Variants in CTNNA3 observed in about 807,000 individuals in gnomAD.
CTNNA3 encodes catenin alpha 3.
A neutral mutation model predicts 95.7 loss-of-function variants in CTNNA3; 76 were observed. That is an observed-to-expected ratio of 0.79 (90% CI 0.66 to 0.96). The LOEUF is 0.96. CTNNA3 is among the 40% of genes least tolerant of loss of function. The pLI is 0.00. For synonymous variants in CTNNA3, 431 were observed against 374.4 expected, an observed-to-expected ratio of 1.15 and a Z score of -1.74; for missense variants, 1,191 against 1,089.8, an observed-to-expected ratio of 1.09 and a Z score of -1.31.
At chr10:67,354,979 C>A (rs943436740) in intron 5 of CTNNA3, among the ~76,000 whole-genome samples, 3 of 151,884 alleles carry the variant, frequency 2.0e-5, no homozygotes, top group African/African-American at 7.2e-5. Context: ...ATTCTAGACC[C>A]ATAAACCTAC....
intron 7 of CTNNA3, chr10:66,926,700 G>C (rs571682145): frequency 8.6e-6 from 11 of 1,271,854 alleles, no homozygotes; most frequent in Admixed American, 2.1e-5. Context: ...TCTGCTCTAA[G>C]ACTATGAATT....
chr10:67,286,021 G>T (rs1839590270), intron 5 of CTNNA3, among the ~76,000 whole-genome samples: 1 of 152,108 alleles, frequency 6.6e-6, no homozygotes, highest in African/African-American at 2.4e-5. Flanking sequence ...TGGGCTCTAG[G>T]CATTTTAAAA....
chr10:67,486,933 T>C (rs1040342237), intron 5 of CTNNA3, among the ~76,000 whole-genome samples: 1 of 152,208 alleles, frequency 6.6e-6, no homozygotes, highest in Admixed American at 6.5e-5. Flanking sequence ...TCCAATCTTA[T>C]TTTAGTTGTA....
chr10:66,261,277 A>C (rs552158373), intron 13 of CTNNA3, among the ~76,000 whole-genome samples: 1 of 152,252 alleles, frequency 6.6e-6, no homozygotes, highest in Non-Finnish European at 1.5e-5. Context: ...CAGTACATTT[A>C]AATTATTTCC....
intron 2 of CTNNA3, among the ~76,000 whole-genome samples, chr10:67,646,936 T>C (rs1564806949): frequency 6.6e-6 from 1 of 152,114 alleles, no homozygotes; most frequent in Non-Finnish European, 1.5e-5. Flanking sequence ...AGAATTCCTT[T>C]AAATAGCTGC....
chr10:67,055,233 T>A (rs998596363), intron 7 of CTNNA3, among the ~76,000 whole-genome samples: 2 of 152,212 alleles, frequency 1.3e-5, no homozygotes, highest in African/African-American at 4.8e-5. Context: ...CATAAGTTTG[T>A]TTTTTATCCC....
intron 11 of CTNNA3, among the ~76,000 whole-genome samples, chr10:66,440,952 T>C (rs902419970): frequency 6.1e-5 from 9 of 147,314 alleles, no homozygotes; most frequent in Non-Finnish European, 3.0e-5. Flanking sequence ...AAGATTTTAT[T>C]CCATTTTTCT....
intron 7 of CTNNA3, among the ~76,000 whole-genome samples, chr10:66,810,014 A>G (rs534273166): frequency 3.5e-4 from 53 of 152,272 alleles, no homozygotes; most frequent in Middle Eastern, 3.4e-3. Context: ...CATGTTGGCC[A>G]GGCTGGTCTC....
chr10:66,957,428 G>T, intron 7 of CTNNA3, among the ~76,000 whole-genome samples: 1 of 24,238 alleles, frequency 4.1e-5, no homozygotes, highest in Non-Finnish European at 7.0e-5. Context: ...ATATATATAT[G>T]CATATATATA....
At chr10:67,605,684 A>T (rs1231670915) in intron 3 of CTNNA3, among the ~76,000 whole-genome samples, 2 of 150,170 alleles carry the variant, frequency 1.3e-5, no homozygotes, top group Admixed American at 6.7e-5. Context: ...AAATACAAAA[A>T]TTTTTTTTTT....
chr10:66,092,865 T>C (rs1323286328), intron 14 of CTNNA3, among the ~76,000 whole-genome samples: 1 of 151,922 alleles, frequency 6.6e-6, no homozygotes, highest in Non-Finnish European at 1.5e-5. Flanking sequence ...TACTTCATCA[T>C]TGGTGATAAG....
At chr10:67,387,744 C>T (rs1844252777) in intron 5 of CTNNA3, among the ~76,000 whole-genome samples, 1 of 152,214 alleles carries the variant, frequency 6.6e-6, no homozygotes, top group Non-Finnish European at 1.5e-5. Context: ...TCAAGTGGGT[C>T]CCTGACCCCT....
At chr10:67,692,306 A>T (rs1334346871) in intron 1 of CTNNA3, among the ~76,000 whole-genome samples, 1 of 148,430 alleles carries the variant, frequency 6.7e-6, no homozygotes, top group African/African-American at 2.5e-5. Context: ...AAGGGGGGAA[A>T]GGTGGGGGAA....
At chr10:67,004,839 A>G (rs1851880288) in intron 7 of CTNNA3, among the ~76,000 whole-genome samples, 1 of 152,218 alleles carries the variant, frequency 6.6e-6, no homozygotes, top group African/African-American at 2.4e-5. Context: ...ATATACAACT[A>G]TGTATGTTCA....
rs111461943 is a variant in CTNNA3, at chr10:66,349,557, T to C, written c.1732+29595A>G. 7.8e-3 allele frequency among the ~76,000 whole-genome samples: 1,195 copies of C among 152,272 alleles called. 22 individuals are homozygous for C. Among genetic ancestry groups the C allele is most frequent in the Admixed American group, 0.015 (235 of 15,290 alleles). ...ATGAAGGAAAAGAAAAAGCAGGTTA[T>C]TCTTTCCAAAGCCATTCACAAATTT... is the stretch of plus-strand genomic sequence containing the variant. On this transcript the variant is annotated intron_variant, in intron 12 of 17. Coordinates refer to ENST00000433211, the MANE Select transcript of CTNNA3 (RefSeq NM_013266.4).
intron 13 of CTNNA3, among the ~76,000 whole-genome samples, chr10:66,236,597 A>C (rs781654110): frequency 5.3e-5 from 8 of 152,156 alleles, no homozygotes; most frequent in Non-Finnish European, 1.2e-4. Flanking sequence ...AAAATCATCA[A>C]ATCAGTAGCA....
rs991412123 is a variant in CTNNA3, at chr10:66,157,780, C to T, written c.1885-54531G>A. On this transcript the variant is annotated intron_variant, in intron 13 of 17. Transcript: ENST00000433211. The stretch of plus-strand genomic sequence containing the variant: ...ATAGTGGCTGCATGAGTTTACATTC[C>T]CGCCTGCAGTGTAGAAGTGTTCCCT... Among the ~76,000 whole-genome samples, 4 of 152,076 alleles carry T rather than the reference C, an allele frequency of 2.6e-5. 1 individual carries two copies. Among genetic ancestry groups the T allele is most frequent in the African/African-American group, 7.2e-5 (3 of 41,516 alleles).
intron 9 of CTNNA3, among the ~76,000 whole-genome samples, chr10:66,722,414 T>C (rs1178963178): frequency 6.6e-6 from 1 of 151,978 alleles, no homozygotes; most frequent in African/African-American, 2.4e-5. Flanking sequence ...GGTTGATGTT[T>C]TCATAAACAG....
intron 9 of CTNNA3, among the ~76,000 whole-genome samples, chr10:66,747,883 T>C (rs1168643108): frequency 6.6e-6 from 1 of 152,156 alleles, no homozygotes; most frequent in Non-Finnish European, 1.5e-5. Context: ...TTTATAACAA[T>C]CATAAAAATA....
Sources: allele counts gnomAD v4.1 joint callset (sites outside exome capture counted in the v4.1 genomes callset), GRCh38; gene constraint gnomAD v4.1.1; transcripts MANE v1.5; gene names NCBI Gene and HGNC (gene_info 2026-07-23, HGNC 2026-07-21).